The following RBFOX1 variants were observed in gnomAD, a reference collection of about 807,000 sequenced individuals.
RBFOX1 encodes the protein RNA binding protein fox-1 homolog 1.
In RBFOX1, 8 loss-of-function variants were observed where a neutral mutation model predicts 57.7. The ratio of observed to expected loss-of-function variants is 0.14; its 90% CI spans 0.08 to 0.25. The LOEUF (loss-of-function observed/expected upper bound fraction) is 0.25, where lower values mean the gene tolerates loss of function less well. Ranked by LOEUF, RBFOX1 falls within the 10% of genes least tolerant of loss-of-function variation. The pLI is 1.00. For synonymous variants in RBFOX1, 326 were observed against 222.4 expected, an observed-to-expected ratio of 1.47 and a Z score of -4.15; for missense variants, 611 against 548.5, an observed-to-expected ratio of 1.11 and a Z score of -1.14.
chr16:6,947,366 C>G (rs556823710), intron 3 of RBFOX1, among the ~76,000 whole-genome samples: 1 of 152,136 alleles, frequency 6.6e-6, no homozygotes, highest in Non-Finnish European at 1.5e-5. Flanking sequence ...GGTGCCTGAG[C>G]CTTTTGCATC....
At chr16:5,594,093 C>T (rs1422794565) in intron 2 of RBFOX1, among the ~76,000 whole-genome samples, 1 of 152,068 alleles carries the variant, frequency 6.6e-6, no homozygotes, top group African/African-American at 2.4e-5. Context: ...CTGGCGCCAT[C>T]ATTGGGAACT....
At chr16:5,796,688 C>T (rs966523856) in intron 3 of RBFOX1, among the ~76,000 whole-genome samples, 5 of 152,174 alleles carry the variant, frequency 3.3e-5, no homozygotes, top group Admixed American at 6.5e-5. Context: ...CCCCATTTTA[C>T]GGATGAAGAC....
At chr16:5,990,655 G>A (rs2060377082) in intron 4 of RBFOX1, among the ~76,000 whole-genome samples, 1 of 152,194 alleles carries the variant, frequency 6.6e-6, no homozygotes, top group South Asian at 2.1e-4. Flanking sequence ...AGGTGGGTGG[G>A]AGGGAGGCTT....
chr16:6,599,108 C>A (rs2097814432), intron 2 of RBFOX1, among the ~76,000 whole-genome samples: 1 of 152,082 alleles, frequency 6.6e-6, no homozygotes, highest in African/African-American at 2.4e-5. Context: ...CAGTATGTTC[C>A]AAATCACCTG....
intron 4 of RBFOX1, among the ~76,000 whole-genome samples, chr16:7,330,791 C>A (rs1200428174): frequency 6.6e-6 from 1 of 152,184 alleles, no homozygotes; most frequent in South Asian, 2.1e-4. Flanking sequence ...TGATCTGACA[C>A]AGGCCTTACC....
chr16:6,088,431 C>T (rs1363923999), intron 1 of RBFOX1, among the ~76,000 whole-genome samples: 1 of 152,030 alleles, frequency 6.6e-6, no homozygotes, highest in Non-Finnish European at 1.5e-5. Flanking sequence ...TGAATTTTTC[C>T]AAAGATGAAT....
chr16:5,969,754 G>A (rs182737796), intron 4 of RBFOX1, among the ~76,000 whole-genome samples: 31 of 151,998 alleles, frequency 2.0e-4, no homozygotes, highest in Admixed American at 1.7e-3. Flanking sequence ...TGCTGTCTGC[G>A]ATGTCTGTCC....
chr16:5,662,988 TG>T (rs1307182161), intron 3 of RBFOX1, among the ~76,000 whole-genome samples: 2 of 152,150 alleles, frequency 1.3e-5, no homozygotes, highest in Admixed American at 1.3e-4. Flanking sequence ...GGGTTTCCAG[TG>T]GGCAGGAGAG....
chr16:5,268,128 A>G (rs558036912), intron 1 of RBFOX1, among the ~76,000 whole-genome samples: 2 of 152,104 alleles, frequency 1.3e-5, no homozygotes, highest in East Asian at 3.9e-4. Flanking sequence ...AGTTGACTCT[A>G]ACACAAATTT....
intron 1 of RBFOX1, among the ~76,000 whole-genome samples, chr16:6,181,906 AT>A (rs1308937528): frequency 9.7e-6 from 1 of 102,794 alleles, no homozygotes; most frequent in Non-Finnish European, 2.0e-5. Context: ...ATCTTGCAAC[AT>A]TTTGGCTCAG....
At chr16:5,555,284 A>G (rs1459124933) in intron 2 of RBFOX1, among the ~76,000 whole-genome samples, 1 of 151,844 alleles carries the variant, frequency 6.6e-6, no homozygotes, top group African/African-American at 2.4e-5. Flanking sequence ...ATGGAGTCTC[A>G]CTCTTGTTGC....
chr16:6,706,440 C>T (rs2062758727), intron 3 of RBFOX1, among the ~76,000 whole-genome samples: 2 of 152,230 alleles, frequency 1.3e-5, no homozygotes, highest in Non-Finnish European at 2.9e-5. Flanking sequence ...GTAGCCTCCC[C>T]TTCCAGCTTT....
intron 4 of RBFOX1, among the ~76,000 whole-genome samples, chr16:7,103,263 T>G (rs11860538): frequency 0.59 from 90,230 of 151,926 alleles, 26,954 homozygotes; most frequent in South Asian, 0.7. Flanking sequence ...TTCCAGAACT[T>G]TAACTGTTTT....
At chr16:7,637,782 A>T (rs958409982) in intron 11 of RBFOX1, among the ~76,000 whole-genome samples, 2 of 152,148 alleles carry the variant, frequency 1.3e-5, no homozygotes, top group African/African-American at 4.8e-5. Flanking sequence ...CTTAACAATA[A>T]CTAGCTCCGG....
intron 4 of RBFOX1, among the ~76,000 whole-genome samples, chr16:7,497,889 C>T (rs2069220470): frequency 1.3e-5 from 2 of 152,176 alleles, no homozygotes; most frequent in African/African-American, 2.4e-5. Flanking sequence ...GCTCTGTAGG[C>T]TATTTGTAGA....
chr16:7,075,810 G>T (rs1371612039), intron 4 of RBFOX1, among the ~76,000 whole-genome samples: 1 of 152,100 alleles, frequency 6.6e-6, no homozygotes, highest in East Asian at 1.9e-4. Flanking sequence ...TTGATCTCCT[G>T]ACCTCGTGAT....
chr16:7,334,147 C>A (rs1302913932), intron 4 of RBFOX1, among the ~76,000 whole-genome samples: 1 of 152,132 alleles, frequency 6.6e-6, no homozygotes, highest in Non-Finnish European at 1.5e-5. Context: ...TTTGCTGTTA[C>A]CTTTTGTTAA....
intron 3 of RBFOX1, among the ~76,000 whole-genome samples, chr16:6,779,673 A>G (rs1266258627): frequency 1.5e-5 from 2 of 137,744 alleles, no homozygotes; most frequent in Non-Finnish European, 3.0e-5. Context: ...CCTTACCAGC[A>G]TTCATTATTG....
chr16:6,292,331 C>T (rs1166186188), intron 1 of RBFOX1, among the ~76,000 whole-genome samples: 1 of 151,776 alleles, frequency 6.6e-6, no homozygotes, highest in Admixed American at 6.6e-5. Flanking sequence ...GTGGAACTAC[C>T]ACCAATGGCT....
Sources: allele counts gnomAD v4.1 joint callset (sites outside exome capture counted in the v4.1 genomes callset), GRCh38; gene constraint gnomAD v4.1.1; transcripts MANE v1.5; gene names NCBI Gene and HGNC (gene_info 2026-07-23, HGNC 2026-07-21).